Variants in SLC2A13 observed in about 807,000 individuals in gnomAD.
SLC2A13 encodes proton myo-inositol cotransporter.
A neutral mutation model predicts 64.4 loss-of-function variants in SLC2A13; 32 were observed. The observed-to-expected ratio is 0.50, with a 90% CI of 0.37 to 0.67. The LOEUF (loss-of-function observed/expected upper bound fraction) is 0.67. Among genes scored for constraint, SLC2A13 ranks in the 30% least tolerant of loss-of-function variants. The pLI, the probability that SLC2A13 is intolerant of heterozygous loss-of-function variation, is 0.00. For missense variants in SLC2A13, 743 were observed against 829.2 expected, an observed-to-expected ratio of 0.90 and a Z score of 1.28; for synonymous variants, 338 against 327.1, an observed-to-expected ratio of 1.03 and a Z score of -0.36.
chr12:39,783,441 A>C (rs914120345), intron 7 of SLC2A13, among the ~76,000 whole-genome samples: 5 of 152,188 alleles, frequency 3.3e-5, no homozygotes, highest in Non-Finnish European at 1.5e-5. Flanking sequence ...CTGAGGAATC[A>C]CCACACTGTC....
At chr12:39,906,384 C>T (rs1229416158) in intron 4 of SLC2A13, among the ~76,000 whole-genome samples, 1 of 152,054 alleles carries the variant, frequency 6.6e-6, no homozygotes, top group African/African-American at 2.4e-5. Context: ...CCTTGATATG[C>T]ACATTTATAT....
intron 3 of SLC2A13, among the ~76,000 whole-genome samples, chr12:40,017,788 T>C (rs1275074968): frequency 6.6e-6 from 1 of 151,978 alleles, no homozygotes; most frequent in African/African-American, 2.4e-5. Context: ...CTCTGAGCAG[T>C]GGTCTCATAA....
Position 39,818,593 on chromosome 12 carries a change from C to G in SLC2A13, c.1445+11510G>C, listed in dbSNP as rs115055632. ...GACATAGCCCAAGGTCAGCATGTATCTCTGCTTTGTAATCACCTTTGAAAT... is the reference window on the plus strand; with the variant it reads ...GACATAGCCCAAGGTCAGCATGTATGTCTGCTTTGTAATCACCTTTGAAAT... On this transcript the variant is annotated intron_variant, in intron 7 of 9. Coordinates refer to ENST00000280871, the MANE Select transcript of SLC2A13 (RefSeq NM_052885.4). 3.2e-3 allele frequency among the ~76,000 whole-genome samples: 487 copies of G among 152,244 alleles called. 1 individual carries two copies. The highest frequency in any genetic ancestry group is 0.011 in the African/African-American group (465 of 41,550).
chr12:39,907,165 A>AAC (rs1019574352), intron 4 of SLC2A13, among the ~76,000 whole-genome samples: 17 of 152,166 alleles, frequency 1.1e-4, no homozygotes, highest in Admixed American at 1.1e-3. Flanking sequence ...ATTTCAAAAT[A>AAC]ACACACAAAT....
rs1044760875 is a variant in SLC2A13, at chr12:39,951,467, A to G, written c.926-102T>C. 1.5e-5 allele frequency: 12 copies of G among 780,888 alleles called. No homozygotes were observed. The African/African-American group carries it at 2.0e-4, about 13-fold the overall frequency. 48.4% of individuals were successfully genotyped at this position (780,888 alleles called of 1,614,324 possible). On this transcript the variant is annotated intron_variant, in intron 3 of 9. Transcript: ENST00000280871. The stretch of plus-strand genomic sequence containing the variant: ...ATTTTCCTAAATCTTCATGAAATCA[A>G]CATGACTGGGCATTTTAAATCAGAA...
intron 4 of SLC2A13, among the ~76,000 whole-genome samples, chr12:39,900,464 T>G (rs1163501566): frequency 6.6e-6 from 1 of 150,908 alleles, no homozygotes; most frequent in East Asian, 1.9e-4. Context: ...AAAATCTCCT[T>G]AAGCTGATAA....
chr12:40,031,500 C>T (rs1947905468), intron 2 of SLC2A13, among the ~76,000 whole-genome samples: 1 of 152,186 alleles, frequency 6.6e-6, no homozygotes, highest in Non-Finnish European at 1.5e-5. Context: ...GGATTACAGG[C>T]ACGCGCCACT....
chr12:40,055,596 A>T (rs1358195003), intron 1 of SLC2A13, among the ~76,000 whole-genome samples: 1 of 152,224 alleles, frequency 6.6e-6, no homozygotes, highest in African/African-American at 2.4e-5. Context: ...AAAGTTATTG[A>T]TTAGTACTAT....
intron 1 of SLC2A13, among the ~76,000 whole-genome samples, chr12:40,050,142 A>C (rs569772017): frequency 6.6e-6 from 1 of 152,330 alleles, no homozygotes; most frequent in African/African-American, 2.4e-5. Context: ...GGATTTGTAT[A>C]TTCTCTTTAG....
intron 4 of SLC2A13, among the ~76,000 whole-genome samples, chr12:39,884,341 A>G (rs1944419763): frequency 6.6e-6 from 1 of 152,240 alleles, no homozygotes; most frequent in Admixed American, 6.5e-5. Flanking sequence ...ACATGTCTTC[A>G]GAAAATAAAA....
intron 6 of SLC2A13, among the ~76,000 whole-genome samples, chr12:39,854,510 T>C (rs1055639741): frequency 2.6e-5 from 4 of 152,196 alleles, no homozygotes; most frequent in Non-Finnish European, 5.9e-5. Context: ...TTAACATTTA[T>C]TTGTAATATT....
At chr12:39,783,930 AACAG>A (rs1941090497) in intron 7 of SLC2A13, among the ~76,000 whole-genome samples, 1 of 152,196 alleles carries the variant, frequency 6.6e-6, no homozygotes, top group Non-Finnish European at 1.5e-5. Context: ...GTACACAAAT[AACAG>A]ACAAACAGAG....
chr12:39,885,158 G>T (rs928390955), intron 4 of SLC2A13, among the ~76,000 whole-genome samples: 2 of 152,232 alleles, frequency 1.3e-5, no homozygotes, highest in African/African-American at 4.8e-5. Context: ...TGAGGCAAAA[G>T]AACTGAGTGG....
chr12:39,869,755 G>T (rs186690993), intron 5 of SLC2A13, among the ~76,000 whole-genome samples: 37 of 152,324 alleles, frequency 2.4e-4, no homozygotes, highest in African/African-American at 8.7e-4. Context: ...GAAGAGTTCA[G>T]GAAGATTCCT....
chr12:39,991,896 A>G (rs1352666917), intron 3 of SLC2A13, among the ~76,000 whole-genome samples: 1 of 152,102 alleles, frequency 6.6e-6, no homozygotes, highest in African/African-American at 2.4e-5. Flanking sequence ...CTGCCCTTAT[A>G]GCTCACACAT....
At chr12:40,099,654 G>A (rs1374320001) in intron 1 of SLC2A13, among the ~76,000 whole-genome samples, 1 of 152,164 alleles carries the variant, frequency 6.6e-6, no homozygotes, top group Non-Finnish European at 1.5e-5. Flanking sequence ...CTCACTTGAA[G>A]AGGGTGTTGC....
rs1350164722 is a variant in SLC2A13 at position 39,756,220 on chromosome 12, T to A, written c.*3806A>T. On this transcript the variant is annotated 3_prime_UTR_variant, in exon 10 of 10. Transcript: ENST00000280871. ...TTATTGGCAGCAGCTACATATGAGCTATAAATTTTAACCACAATTTAATAC... is the reference window on the plus strand; with the variant it reads ...TTATTGGCAGCAGCTACATATGAGCAATAAATTTTAACCACAATTTAATAC... 1 of 152,014 alleles carries A rather than the reference T, an allele frequency of 6.6e-6. No individual in the cohort carries two copies. The highest frequency in any genetic ancestry group is 1.5e-5 in the Non-Finnish European group (1 of 67,806). The allele number at this position is 152,014 out of a possible 1,614,324, so 9.4% of individuals were successfully genotyped here.
At chr12:40,079,080 T>C (rs545879034) in intron 1 of SLC2A13, among the ~76,000 whole-genome samples, 6 of 152,302 alleles carry the variant, frequency 3.9e-5, no homozygotes, top group Non-Finnish European at 7.4e-5. Context: ...GAACCAACTT[T>C]TGGTTTCATC....
At chr12:39,999,223 T>C (rs1200344654) in intron 3 of SLC2A13, among the ~76,000 whole-genome samples, 1 of 152,100 alleles carries the variant, frequency 6.6e-6, no homozygotes. Context: ...ATGAAATCAG[T>C]GCACCTTGAA....
Sources: allele counts gnomAD v4.1 joint callset (sites outside exome capture counted in the v4.1 genomes callset), GRCh38; gene constraint gnomAD v4.1.1; transcripts MANE v1.5; gene names NCBI Gene and HGNC (gene_info 2026-07-23, HGNC 2026-07-21).